PCLO: variants seen among roughly 807,000 people sequenced by gnomAD.
The protein encoded by PCLO is piccolo presynaptic cytomatrix protein.
In PCLO, 82 loss-of-function variants were observed where a neutral mutation model predicts 427.5. The observed-to-expected ratio is 0.19, with a 90% CI of 0.16 to 0.23. The LOEUF is 0.23. PCLO is among the 10% of genes least tolerant of loss of function. The pLI, the probability that PCLO is intolerant of heterozygous loss-of-function variation, is 1.00. For missense variants in PCLO, 6,239 were observed against 6,115.9 expected, an observed-to-expected ratio of 1.02 and a Z score of -0.67; for synonymous variants, 2,357 against 2,155.4, an observed-to-expected ratio of 1.09 and a Z score of -2.59.
chr7:83,089,012 A>G (rs149496126), intron 3 of PCLO, among the ~76,000 whole-genome samples: 36 of 152,310 alleles, frequency 2.4e-4, no homozygotes, highest in African/African-American at 8.4e-4. Flanking sequence ...CAATAGAATT[A>G]TATCACATAC....
rs751159777 is a variant in PCLO at position 83,135,379 on chromosome 7, G to C, written c.2171C>G (p.Pro724Arg). Residue 724 changes from proline to arginine, a missense_variant, in exon 3 of 25, where the codon CCT becomes CGT. By Grantham distance (103) the Pro-to-Arg change is moderately radical. Coordinates refer to ENST00000333891, the MANE Select transcript of PCLO (RefSeq NM_033026.6). ...GSPSAKAKQPPEADSLSKPAP... is the reference protein window; with the variant it reads ...GSPSAKAKQPREADSLSKPAP... ...TGGCTTGGACAAAGAATCTGCCTCA[G>C]GGGGCTGCTTGGCCTTGGCTGAAGG... The C allele has an allele frequency of 1.4e-5, 23 of 1,613,978 alleles. No homozygotes were observed. Among genetic ancestry groups the C allele is most frequent in the East Asian group, 6.7e-5 (3 of 44,880 alleles).
chr7:83,062,593 A>G (rs1789567669), intron 3 of PCLO, among the ~76,000 whole-genome samples: 1 of 152,186 alleles, frequency 6.6e-6, no homozygotes, highest in African/African-American at 2.4e-5. Context: ...GCTCATCAAC[A>G]GCAGACATTC....
At chr7:82,969,782 A>G (rs2115690603) in intron 3 of PCLO, among the ~76,000 whole-genome samples, 1 of 152,296 alleles carries the variant, frequency 6.6e-6, no homozygotes, top group Non-Finnish European at 1.5e-5. Context: ...ATGGGTGAAA[A>G]TAAGTTAAAT....
At chr7:83,118,155 A>T (rs1791180446) in intron 3 of PCLO, among the ~76,000 whole-genome samples, 1 of 152,324 alleles carries the variant, frequency 6.6e-6, no homozygotes, top group African/African-American at 2.4e-5. Context: ...ATAACAAAAC[A>T]AAAGATTTAT....
At position 83,125,091 on chromosome 7, in the gene PCLO, T is replaced by A. The variant is rs540718276; in HGVS notation, c.3300+9159A>T. On this transcript the variant is annotated intron_variant, in intron 3 of 24. Transcript: ENST00000333891. ...CCCAGGCTGGAGTGCAGTGGCGTGA[T>A]CTCGGCTCGCTACAACCTCCACCTC... Among the ~76,000 whole-genome samples the A allele has an allele frequency of 2.3e-4, 35 of 151,298 alleles. No individual in the cohort carries two copies. In the South Asian group the frequency reaches 7.2e-3, roughly 31 times the overall value.
chr7:82,987,724 A>G (rs1055911073), intron 3 of PCLO, among the ~76,000 whole-genome samples: 6 of 152,148 alleles, frequency 3.9e-5, no homozygotes, highest in South Asian at 2.1e-4. Context: ...GCATTAAGTA[A>G]ATTTATCAGT....
chr7:82,771,287 G>A lies in PCLO; in HGVS notation c.15008-9794C>T, dbSNP rs574967747. Among the ~76,000 whole-genome samples the A allele has an allele frequency of 2.6e-5, 4 of 151,754 alleles. No homozygotes were observed. In the East Asian group the frequency reaches 7.8e-4, roughly 29 times the overall value. On this transcript the variant is annotated intron_variant, in intron 22 of 24. Coordinates refer to ENST00000333891, the MANE Select transcript of PCLO (RefSeq NM_033026.6). ...GTTTGAGTCCAGTTTTCACTAACAC[G>A]TACTATGATTAAAGAGTTATAAAGA... is the stretch of plus-strand genomic sequence containing the variant.
At chr7:83,063,376 T>C (rs1385888228) in intron 3 of PCLO, among the ~76,000 whole-genome samples, 1 of 152,118 alleles carries the variant, frequency 6.6e-6, no homozygotes, top group Non-Finnish European at 1.5e-5. Context: ...TGTTTTATGA[T>C]GTCTGACTTG....
intron 22 of PCLO, among the ~76,000 whole-genome samples, chr7:82,766,120 C>T (rs984990720): frequency 2.0e-5 from 3 of 151,960 alleles, no homozygotes; most frequent in African/African-American, 4.8e-5. Flanking sequence ...TACTAAATCC[C>T]CCATCTTAGG....
intron 10 of PCLO, among the ~76,000 whole-genome samples, chr7:82,853,169 T>C (rs1354128383): frequency 6.6e-6 from 1 of 152,142 alleles, no homozygotes; most frequent in Non-Finnish European, 1.5e-5. Context: ...CATAATAATA[T>C]TGATATTTTT....
At chr7:82,905,599 G>A (rs1178041314) in intron 8 of PCLO, among the ~76,000 whole-genome samples, 1 of 152,010 alleles carries the variant, frequency 6.6e-6, no homozygotes, top group Admixed American at 6.6e-5. Flanking sequence ...GGGGAAGTGG[G>A]GGTGGTAGTG....
At chr7:83,054,172 T>A (rs983141475) in intron 3 of PCLO, among the ~76,000 whole-genome samples, 4 of 152,120 alleles carry the variant, frequency 2.6e-5, no homozygotes, top group African/African-American at 4.8e-5. Context: ...GTAAAACCAG[T>A]TATTCTGGAA....
chr7:82,969,267 T>C (rs987717815), intron 3 of PCLO, among the ~76,000 whole-genome samples: 4 of 152,138 alleles, frequency 2.6e-5, no homozygotes, highest in African/African-American at 9.7e-5. Context: ...CATAAAATAT[T>C]TCATTGTCCC....
intron 9 of PCLO, among the ~76,000 whole-genome samples, chr7:82,895,737 C>T (rs1048057417): frequency 4.0e-5 from 6 of 151,762 alleles, no homozygotes; most frequent in African/African-American, 1.2e-4. Context: ...TTTAGAAAGA[C>T]TCAAATTACC....
rs143696609 is a variant in PCLO at position 83,079,366 on chromosome 7, G to T, written c.3300+54884C>A. On this transcript the variant is annotated intron_variant, in intron 3 of 24. Transcript: ENST00000333891. ...GTCAACTGAAATAAAAATAGAAGTA[G>T]TGATGAATAACCAGCTTTCATTTTG... Among the ~76,000 whole-genome samples the T allele has an allele frequency of 1.1e-3, 161 of 152,168 alleles. 7 individuals are homozygous for T. In the East Asian group the frequency reaches 0.024, roughly 23 times the overall value.
At chr7:83,032,406 CTCCCTCCT>C (rs1718732777) in intron 3 of PCLO, among the ~76,000 whole-genome samples, 1 of 148,694 alleles carries the variant, frequency 6.7e-6, no homozygotes, top group African/African-American at 2.5e-5. Flanking sequence ...CACTCCCTCC[CTCCCTCCT>C]TCCCTTCCTT....
At chr7:83,023,741 T>A (rs1788404748) in intron 3 of PCLO, among the ~76,000 whole-genome samples, 1 of 152,166 alleles carries the variant, frequency 6.6e-6, no homozygotes, top group Admixed American at 6.5e-5. Flanking sequence ...AATTTAATAG[T>A]TTCACTTTAA....
intron 3 of PCLO, among the ~76,000 whole-genome samples, chr7:82,975,032 C>T (rs1795987395): frequency 6.6e-6 from 1 of 152,084 alleles, no homozygotes; most frequent in African/African-American, 2.4e-5. Context: ...CCACCTCAGC[C>T]TCCCAAAGTG....
At chr7:83,069,030 G>C (rs1364058010) in intron 3 of PCLO, among the ~76,000 whole-genome samples, 1 of 152,192 alleles carries the variant, frequency 6.6e-6, no homozygotes, top group Non-Finnish European at 1.5e-5. Flanking sequence ...GAAGCAGAGA[G>C]TAGAATGGTG....
Sources: allele counts gnomAD v4.1 joint callset (sites outside exome capture counted in the v4.1 genomes callset), GRCh38; gene constraint gnomAD v4.1.1; transcripts MANE v1.5; gene names NCBI Gene and HGNC (gene_info 2026-07-23, HGNC 2026-07-21).